RPS6KA1: variants seen among roughly 807,000 people sequenced by gnomAD.
The protein encoded by RPS6KA1 is ribosomal protein S6 kinase alpha-1.
A neutral mutation model predicts 91.3 loss-of-function variants in RPS6KA1; 48 were observed. The ratio of observed to expected loss-of-function variants is 0.53; its 90% confidence interval spans 0.42 to 0.67. The LOEUF is 0.67. RPS6KA1 is among the 30% of genes least tolerant of loss of function. RPS6KA1 has a pLI of 0.00. For synonymous variants in RPS6KA1, 359 were observed against 384.7 expected, an observed-to-expected ratio of 0.93 and a Z score of 0.78; for missense variants, 719 against 960.5, an observed-to-expected ratio of 0.75 and a Z score of 3.32.
intron 17 of RPS6KA1, among the ~76,000 whole-genome samples, chr1:26,568,768 T>A (rs1455508749): frequency 2.0e-5 from 3 of 151,556 alleles, no homozygotes; most frequent in African/African-American, 4.8e-5. Flanking sequence ...TAAATTAATT[T>A]AAAAAAAAGG....
intron 17 of RPS6KA1, among the ~76,000 whole-genome samples, chr1:26,566,323 G>C (rs1410822415): frequency 8.6e-6 from 1 of 116,128 alleles, no homozygotes; most frequent in Non-Finnish European, 1.6e-5. Flanking sequence ...TCGCTCTGTT[G>C]CCCAGGCTGG....
At position 26,561,658 on chromosome 1, in the gene RPS6KA1, CAG is replaced by C. The variant is rs1557510001; in HGVS notation, c.1586_1587del (p.Gln529ArgfsTer28). 1.2e-6 allele frequency: 2 copies of C among 1,602,042 alleles called. No homozygotes were observed. Among genetic ancestry groups the C allele is most frequent in the Non-Finnish European group, 1.7e-6 (2 of 1,172,776 alleles). On this transcript the variant is annotated frameshift_variant, in exon 17 of 22. Coordinates refer to ENST00000374168, the MANE Select transcript of RPS6KA1 (RefSeq NM_002953.4). LOFTEE classifies it high-confidence loss of function. The surrounding 1 kb of genome is among the most constrained non-coding windows in gnomAD (Gnocchi z 5.7). ...CAAAACTGTGGAGTATCTGCACTCA[CAG>C]GGGGTGAGTCTGGATTCGGGGAGGC... Reference protein sequence around the residue: ...IGKTVEYLHSQGVVHRDLKPS... With the variant: ...IGKTVEYLHSXGVVHRDLKPS...
At chr1:26,565,908 T>A (rs958069870) in intron 17 of RPS6KA1, among the ~76,000 whole-genome samples, 3 of 152,196 alleles carry the variant, frequency 2.0e-5, no homozygotes, top group Admixed American at 2.0e-4. Context: ...TTCAATGTTG[T>A]CTTTGAGATC....
At chr1:26,572,072 C>A in intron 19 of RPS6KA1, 104 bp from the exon 20 acceptor site, 1 of 1,306,392 alleles carries the variant, frequency 7.7e-7, no homozygotes, top group South Asian at 1.2e-5. Flanking sequence ...GGAGCTCTAC[C>A]TTGGGAGTAC....
intron 17 of RPS6KA1, among the ~76,000 whole-genome samples, chr1:26,569,873 A>G (rs896055950): frequency 6.6e-6 from 1 of 152,216 alleles, no homozygotes; most frequent in Non-Finnish European, 1.5e-5. Flanking sequence ...TGCAATGGAC[A>G]GTGAGGCTGG....
rs1351976273 is a variant in RPS6KA1, at chr1:26,547,945, G to A, written c.307+675G>A. Among the ~76,000 whole-genome samples, 5 of 152,094 alleles carry A rather than the reference G, an allele frequency of 3.3e-5. No homozygotes were observed. Among genetic ancestry groups the A allele is most frequent in the African/African-American group, 9.7e-5 (4 of 41,396 alleles). ...AGCACTTTGGGAGGCTGAGGTGGGC[G>A]GGTCATTTGAGGTCAGGAGTTCAAG... On this transcript the variant is annotated intron_variant, in intron 4 of 21. Transcript: ENST00000374168. This position sits in a 1 kb window ranked among gnomAD's most constrained non-coding sequence, Gnocchi z 4.1.
rs111953536 is a variant in RPS6KA1, at chr1:26,540,961, C to T, written c.108+3992C>T. 6.6e-6 allele frequency among the ~76,000 whole-genome samples: 1 copy of T among 152,032 alleles called. No homozygotes were observed. Among genetic ancestry groups the T allele is most frequent in the Non-Finnish European group, 1.5e-5 (1 of 67,998 alleles). ...ATATGCCACTATGCCCGGCTAATTT[C>T]ATATTTTTAGTAGAGACGGGGTTTC... On this transcript the variant is annotated intron_variant, in intron 2 of 21. Transcript: ENST00000374168. The surrounding 1 kb of genome is among the most constrained non-coding windows in gnomAD (Gnocchi z 4.2).
intron 17 of RPS6KA1, among the ~76,000 whole-genome samples, chr1:26,562,940 G>A (rs1332475036): frequency 2.2e-5 from 3 of 134,576 alleles, no homozygotes; most frequent in Admixed American, 1.5e-4. Flanking sequence ...GGGTTCAAGT[G>A]ACTCTCCTGC....
chr1:26,543,251 G>GTGTC (rs1557492996), intron 2 of RPS6KA1: 2 of 1,480,942 alleles, frequency 1.4e-6, no homozygotes, highest in African/African-American at 2.8e-5. Context: ...GCCTCCAGCG[G>GTGTC]TGTCTGTCAC....
rs930333341 is a variant in RPS6KA1, at chr1:26,571,774, G to A, written c.1753-75G>A. 6.0e-6 allele frequency: 9 copies of A among 1,509,096 alleles called. No individual in the cohort carries two copies. The highest frequency in any genetic ancestry group is 5.9e-5 in the South Asian group (5 of 84,962). 93.5% of individuals were successfully genotyped at this position (1,509,096 alleles called of 1,614,324 possible). On this transcript the variant is annotated intron_variant, in intron 18 of 21. Coordinates refer to ENST00000374168, the MANE Select transcript of RPS6KA1 (RefSeq NM_002953.4). The surrounding 1 kb of genome is among the most constrained non-coding windows in gnomAD (Gnocchi z 5.1). ...CTGGGACCCTTGTCCTGCCCTTGAG[G>A]GGAGTAGCAGGAAACATCTGTGGCG...
chr1:26,556,719 G>T lies in RPS6KA1; in HGVS notation c.981+1G>T, dbSNP rs748873337. The T allele has an allele frequency of 6.2e-7, 1 of 1,614,186 alleles. No homozygotes were observed. Among genetic ancestry groups the T allele is most frequent in the South Asian group, 1.1e-5 (1 of 91,088 alleles). On this transcript the variant is annotated splice_donor_variant, in intron 12 of 21. Coordinates refer to ENST00000374168, the MANE Select transcript of RPS6KA1 (RefSeq NM_002953.4). LOFTEE classifies it high-confidence loss of function. ...CTTCTACTCCACCATTGACTGGAAT[G>T]TGAGTGTGTCCACCCACACCAGGGC...
intron 17 of RPS6KA1, among the ~76,000 whole-genome samples, chr1:26,563,978 C>T (rs917780508): frequency 2.0e-5 from 3 of 152,114 alleles, no homozygotes; most frequent in Non-Finnish European, 4.4e-5. Context: ...CAAAAATTAG[C>T]TGGGCATGGT....
Position 26,571,892 on chromosome 1 carries a change from G to T in RPS6KA1, c.1796G>T (p.Ser599Ile), listed in dbSNP as rs780133281. The T allele has an allele frequency of 6.2e-7, 1 of 1,611,838 alleles. No individual in the cohort carries two copies. Residue 599 changes from serine to isoleucine, a missense_variant, in exon 19 of 22, where the codon AGC becomes ATC. Ser to Ile is a moderately radical substitution (Grantham distance 142). Transcript: ENST00000374168. The surrounding 1 kb of genome is among the most constrained non-coding windows in gnomAD (Gnocchi z 5.1). Reference sequence around the variant, plus strand: ...TACGATGAAGGCTGCGACATCTGGAGCCTGGGCATTCTGCTGTACACCATG... The same window carrying T: ...TACGATGAAGGCTGCGACATCTGGATCCTGGGCATTCTGCTGTACACCATG... ...QGYDEGCDIW[S>I]LGILLYTMLA...
Position 26,554,274 on chromosome 1 carries a change from C to T in RPS6KA1, c.613+23C>T. ...CTGGTGAGTGGAGGGCGCCTGCCCC[C>T]TCGGGACCCAGGGGAGGACAGGACA... is the stretch of plus-strand genomic sequence containing the variant. On this transcript the variant is annotated intron_variant, in intron 8 of 21. Coordinates refer to ENST00000374168, the MANE Select transcript of RPS6KA1 (RefSeq NM_002953.4). The surrounding 1 kb of genome is among the most constrained non-coding windows in gnomAD (Gnocchi z 4.6). 3 of 1,555,792 alleles carry T rather than the reference C, an allele frequency of 1.9e-6. No homozygotes were observed. The highest frequency in any genetic ancestry group is 2.6e-6 in the Non-Finnish European group (3 of 1,149,178).
intron 17 of RPS6KA1, among the ~76,000 whole-genome samples, chr1:26,568,840 A>G (rs17162199): frequency 0.017 from 2,560 of 152,344 alleles, 71 homozygotes; most frequent in African/African-American, 0.058. Context: ...TGGAAAGACT[A>G]TGGAATTCAG....
intron 19 of RPS6KA1, 95 bp downstream of exon 19, chr1:26,572,020 G>A (rs961526096): frequency 6.3e-5 from 88 of 1,394,370 alleles, no homozygotes; most frequent in East Asian, 1.2e-4. Context: ...AGCCAGCCCC[G>A]CCCCAGGATG....
chr1:26,534,517 T>G (rs1252694539), intron 1 of RPS6KA1, among the ~76,000 whole-genome samples: 1 of 152,128 alleles, frequency 6.6e-6, no homozygotes, highest in African/African-American at 2.4e-5. Context: ...GGAGCCACCA[T>G]ACAAATGCTG....
Position 26,545,921 on chromosome 1 carries a change from G to A in RPS6KA1, c.109-946G>A, listed in dbSNP as rs549932151. 3.7e-5 allele frequency: 59 copies of A among 1,585,376 alleles called. No individual in the cohort carries two copies. In the East Asian group the frequency reaches 5.4e-4, roughly 14 times the overall value. On this transcript the variant is annotated intron_variant, in intron 2 of 21. Coordinates refer to ENST00000374168, the MANE Select transcript of RPS6KA1 (RefSeq NM_002953.4). The stretch of plus-strand genomic sequence containing the variant: ...GGCGGATGGAGCAGGATCCCAAGCC[G>A]CCCCGTCTGCGGCTCTGGGCCCTGA...
At chr1:26,543,220 A>G (rs1255519085) in intron 2 of RPS6KA1, 2 of 1,534,122 alleles carry the variant, frequency 1.3e-6, no homozygotes, top group South Asian at 2.4e-5. Flanking sequence ...TGTCCCAGAA[A>G]GGTGAGCAGA....
Sources: gnomAD v4.1 joint callset for allele counts (sites outside exome capture counted in the v4.1 genomes callset) on GRCh38, gnomAD v4.1.1 for gene constraint, Gnocchi (gnomAD v3.1) non-coding constraint, MANE v1.5 for transcripts, NCBI Gene and HGNC (gene_info 2026-07-23, HGNC 2026-07-21) for gene names.